The following TMEM232 variants were observed in gnomAD, a reference collection of about 807,000 sequenced individuals.
The protein encoded by TMEM232 is transmembrane protein 232.
TMEM232 carries 80 observed loss-of-function variants against 78.8 expected under a neutral mutation model. The observed-to-expected ratio is 1.01, with a 90% confidence interval of 0.85 to 1.22. The LOEUF is 1.22. Ranked by LOEUF, TMEM232 falls within the 50% of genes most tolerant of loss-of-function variation. The probability of loss-of-function intolerance (pLI) is 0.00; values close to 1 mark genes in which losing one functional copy is unlikely to be tolerated. For missense variants in TMEM232, 881 were observed against 742.2 expected (o/e 1.19, Z -2.17); for synonymous variants, 297 against 254.3 (o/e 1.17, Z -1.60).
intron 1 of TMEM232, among the ~76,000 whole-genome samples, chr5:110,676,503 T>C (rs1326527847): frequency 6.6e-6 from 1 of 151,918 alleles, no homozygotes; most frequent in African/African-American, 2.4e-5. Context: ...CCTCCTGGGC[T>C]TAAGCGATCC....
intron 12 of TMEM232, among the ~76,000 whole-genome samples, chr5:110,506,980 C>G (rs1766981924): frequency 6.6e-6 from 1 of 152,060 alleles, no homozygotes; most frequent in Non-Finnish European, 1.5e-5. Context: ...CATATTTGAC[C>G]AAGTGGTACT....
intron 2 of TMEM232, among the ~76,000 whole-genome samples, chr5:110,405,775 C>A (rs1341327816): frequency 6.7e-6 from 1 of 148,746 alleles, no homozygotes; most frequent in Non-Finnish European, 1.5e-5. Flanking sequence ...TCTGTAACTT[C>A]CTGGAATTAT....
In TMEM232 at chr5:110,687,864, A is replaced by G. The variant is rs374600355; in HGVS notation, c.-12-20500T>C. On this transcript the variant is annotated intron_variant, in intron 1 of 13. Coordinates refer to ENST00000455884, the MANE Select transcript of TMEM232 (RefSeq NM_001039763.4). ...TTTTGGGGTACCACACTTACATTAG[A>G]AAACACCATTTGGAAATTTGCAGAG... 2.0e-5 allele frequency among the ~76,000 whole-genome samples: 3 copies of G among 152,168 alleles called. No homozygotes were observed. In the East Asian group the frequency reaches 5.8e-4, roughly 29 times the overall value.
intron 1 of TMEM232, among the ~76,000 whole-genome samples, chr5:110,716,241 T>C (rs1203889946): frequency 6.6e-6 from 1 of 152,174 alleles, no homozygotes; most frequent in East Asian, 1.9e-4. Flanking sequence ...CCGATCTTTT[T>C]GGCACCAGAG....
intron 2 of TMEM232, among the ~76,000 whole-genome samples, chr5:110,661,785 C>CT (rs1407833861): frequency 1.3e-5 from 2 of 152,170 alleles, no homozygotes; most frequent in African/African-American, 2.4e-5. Context: ...GAGCATTCCT[C>CT]TTTCTCCACA....
intron 10 of TMEM232, among the ~76,000 whole-genome samples, chr5:110,580,813 A>C (rs1778121277): frequency 1.3e-5 from 2 of 151,702 alleles, no homozygotes; most frequent in Admixed American, 1.3e-4. Context: ...TCACAAATTC[A>C]AGAAGATTGA....
Position 110,528,629 on chromosome 5 carries a change from CTTT to C in TMEM232, c.1659_1661del (p.Lys554del), listed in dbSNP as rs1291257007. 4 of 1,532,998 alleles carry C rather than the reference CTTT, an allele frequency of 2.6e-6. No individual in the cohort carries two copies. In the East Asian group the frequency reaches 7.4e-5, roughly 28 times the overall value. The allele number at this position is 1,532,998 out of a possible 1,614,324, so 95.0% of individuals were successfully genotyped here. Reference sequence around the variant, plus strand: ...GAACTTGCTTTTTCACAGACTCCAGCTTTTTATTTGGATATTTTGTTTGATCCT... The same window carrying C: ...GAACTTGCTTTTTCACAGACTCCAGCTTATTTGGATATTTTGTTTGATCCT... On this transcript the variant is annotated inframe_deletion, in exon 12 of 14. Transcript: ENST00000455884.
At position 110,638,331 on chromosome 5, in the gene TMEM232, G is replaced by GA; in HGVS notation, c.367dup (p.Ser123PhefsTer8). ...ATAATCAAAGGAAGCATGGTCCAGA[G>GA]ATGCATAAAGCATATTTAAAGATTC... On this transcript the variant is annotated frameshift_variant, in exon 5 of 14. Transcript: ENST00000455884. LOFTEE classifies it high-confidence loss of function. 6.5e-7 allele frequency: 1 copy of GA among 1,545,186 alleles called. No homozygotes were observed. Among genetic ancestry groups the GA allele is most frequent in the Non-Finnish European group, 8.7e-7 (1 of 1,145,024 alleles).
At chr5:110,673,720 T>G (rs1030192738) in intron 1 of TMEM232, among the ~76,000 whole-genome samples, 10 of 152,126 alleles carry the variant, frequency 6.6e-5, no homozygotes, top group African/African-American at 2.2e-4. Flanking sequence ...ATTCTGAAGT[T>G]TTCGTGGATG....
chr5:110,553,726 T>C (rs1774737040), intron 11 of TMEM232, among the ~76,000 whole-genome samples: 1 of 152,200 alleles, frequency 6.6e-6, no homozygotes, highest in Non-Finnish European at 1.5e-5. Flanking sequence ...TCTTGCCTGA[T>C]TGCTCTGGTT....
intron 1 of TMEM232, among the ~76,000 whole-genome samples, chr5:110,687,211 G>T (rs540778395): frequency 1.7e-3 from 253 of 152,206 alleles, no homozygotes; most frequent in African/African-American, 5.7e-3. Flanking sequence ...CAAGAACCAG[G>T]TATAGCTAAT....
At chr5:110,736,550 GTCATT>G (rs957299978) in intron 1 of TMEM232, among the ~76,000 whole-genome samples, 1 of 151,174 alleles carries the variant, frequency 6.6e-6, no homozygotes, top group African/African-American at 2.4e-5. Flanking sequence ...ATATTTTCAT[GTCATT>G]TAATACTCAT....
intron 11 of TMEM232, among the ~76,000 whole-genome samples, chr5:110,542,356 A>G (rs894324948): frequency 3.3e-5 from 5 of 152,178 alleles, no homozygotes; most frequent in Non-Finnish European, 1.5e-5. Context: ...TCCTTACAGC[A>G]TAAGTATCCA....
At chr5:110,499,056 A>G (rs1765923248) in intron 12 of TMEM232, among the ~76,000 whole-genome samples, 1 of 152,182 alleles carries the variant, frequency 6.6e-6, no homozygotes, top group African/African-American at 2.4e-5. Flanking sequence ...ATATAAAATA[A>G]AATAGAGGTA....
chr5:110,721,863 A>G (rs1797678426), intron 1 of TMEM232, among the ~76,000 whole-genome samples: 1 of 151,468 alleles, frequency 6.6e-6, no homozygotes, highest in Non-Finnish European at 1.5e-5. Context: ...TAGAAAAAGG[A>G]ATCTTAGAAG....
chr5:110,411,962 G>T (rs1436601940), intron 2 of TMEM232, among the ~76,000 whole-genome samples: 2 of 152,034 alleles, frequency 1.3e-5, no homozygotes, highest in African/African-American at 2.4e-5. Flanking sequence ...ATTTATGAGG[G>T]AAAGAATAAA....
intron 1 of TMEM232, among the ~76,000 whole-genome samples, chr5:110,696,604 G>A (rs1015889910): frequency 8.5e-5 from 13 of 152,162 alleles, no homozygotes; most frequent in Non-Finnish European, 1.8e-4. Context: ...CTTCAGCAAA[G>A]TCTCAGGATA....
intron 8 of TMEM232, among the ~76,000 whole-genome samples, chr5:110,608,564 G>A (rs1375807298): frequency 1.3e-5 from 2 of 151,940 alleles, no homozygotes; most frequent in East Asian, 1.9e-4. Context: ...CTGGAAAATT[G>A]TAGCTAACCT....
rs115084993 is a variant in TMEM232 at position 110,425,273 on chromosome 5, T to C, written c.1704-357A>G. On this transcript the variant is annotated intron_variant, in intron 12 of 13. Coordinates refer to ENST00000455884, the MANE Select transcript of TMEM232 (RefSeq NM_001039763.4). ...TACATTTCCAAAGTCTTTGTATTAC[T>C]AAGGGTGGAATTGTGGTAGACAGAT... Among the ~76,000 whole-genome samples the C allele has an allele frequency of 2.2e-3, 329 of 152,246 alleles. 2 individuals are homozygous for C. Among genetic ancestry groups the C allele is most frequent in the African/African-American group, 7.5e-3 (311 of 41,552 alleles).
Sources: allele counts gnomAD v4.1 joint callset (sites outside exome capture counted in the v4.1 genomes callset), GRCh38; gene constraint gnomAD v4.1.1; transcripts MANE v1.5; gene names NCBI Gene and HGNC (gene_info 2026-07-23, HGNC 2026-07-21).